The following TRIP4 variants were observed in gnomAD, a reference collection of about 807,000 sequenced individuals.
TRIP4 encodes thyroid hormone receptor interactor 4.
A neutral mutation model predicts 81.8 loss-of-function variants in TRIP4; 54 were observed. The observed-to-expected ratio is 0.66, with a 90% confidence interval of 0.53 to 0.83. The LOEUF (loss-of-function observed/expected upper bound fraction) is 0.83. Among genes scored for constraint, TRIP4 ranks in the 40% least tolerant of loss-of-function variants. TRIP4 has a pLI of 0.00. For synonymous variants in TRIP4, 270 were observed against 242.8 expected, an observed-to-expected ratio of 1.11 and a Z score of -1.04; for missense variants, 662 against 683.6, an observed-to-expected ratio of 0.97 and a Z score of 0.35.
chr15:64,450,852 G>A, intron 12 of TRIP4: 1 of 378,834 alleles, frequency 2.6e-6, no homozygotes, highest in South Asian at 1.9e-5. Flanking sequence ...CTCACTTGAG[G>A]GCTTTCATAA....
intron 9 of TRIP4, among the ~76,000 whole-genome samples, chr15:64,419,132 A>G (rs1194332969): frequency 6.6e-6 from 1 of 152,134 alleles, no homozygotes; most frequent in African/African-American, 2.4e-5. Context: ...TTTGATGCCT[A>G]TTTACTTATT....
intron 9 of TRIP4, among the ~76,000 whole-genome samples, chr15:64,423,501 G>A (rs1456771381): frequency 6.8e-6 from 1 of 147,370 alleles, no homozygotes; most frequent in Admixed American, 6.8e-5. Context: ...AATGGGTGTG[G>A]TTCTAATTGA....
chr15:64,418,636 C>T lies in TRIP4; in HGVS notation c.1266C>T (p.Ile422=), dbSNP rs1028757404. The change falls in exon 9 of 13, where the codon ATC becomes ATT. Residue 422 remains isoleucine, a synonymous_variant. Transcript: ENST00000261884. The part of the protein sequence containing the change: ...EFNSFQHQLR[I]QDQEFQEGFD... ...ACTCATTTCAGCACCAGTTGCGAAT[C>T]CAGGATCAAGAATTTCAGGAAGGCT... 1.9e-5 allele frequency: 31 copies of T among 1,613,982 alleles called. No homozygotes were observed. Among genetic ancestry groups the T allele is most frequent in the Non-Finnish European group, 2.5e-5 (30 of 1,180,026 alleles).
At chr15:64,407,428 G>A (rs1033194524) in intron 6 of TRIP4, among the ~76,000 whole-genome samples, 9 of 152,124 alleles carry the variant, frequency 5.9e-5, no homozygotes, top group African/African-American at 1.9e-4. Context: ...GGCACTTGGG[G>A]AGGCCGAGGC....
intron 6 of TRIP4, among the ~76,000 whole-genome samples, chr15:64,408,163 GT>G (rs10641751): frequency 3.0e-5 from 4 of 132,680 alleles, no homozygotes; most frequent in Non-Finnish European, 4.6e-5. Flanking sequence ...CTTTATTTTT[GT>G]TTTTTTTTTT....
At chr15:64,445,667 CAA>C (rs34704960) in intron 12 of TRIP4, among the ~76,000 whole-genome samples, 33 of 77,956 alleles carry the variant, frequency 4.2e-4, no homozygotes, top group African/African-American at 1.5e-3. Context: ...CACTCAGTCT[CAA>C]AAAAAAAAAA....
intron 11 of TRIP4, among the ~76,000 whole-genome samples, chr15:64,433,795 G>A (rs1892329774): frequency 6.6e-6 from 1 of 152,184 alleles, no homozygotes; most frequent in African/African-American, 2.4e-5. Context: ...AAAGAAGAGT[G>A]TGAGTATAGA....
chr15:64,450,821 G>T lies in TRIP4; in HGVS notation c.1679-4176G>T, dbSNP rs1045336517. The T allele has an allele frequency of 6.7e-6, 3 of 449,434 alleles. No homozygotes were observed. In the East Asian group the frequency reaches 2.1e-4, roughly 31 times the overall value. 27.8% of individuals were successfully genotyped at this position (449,434 alleles called of 1,614,324 possible). A position where few individuals can be genotyped will look rare whatever the true frequency, so the allele number is the denominator to read the frequency against. Reference sequence around the variant, plus strand: ...ACAATTGAGTGTTTTATTCTGATGGGTTGATCTTACCTGAGCTGGTCTCAC... The same window carrying T: ...ACAATTGAGTGTTTTATTCTGATGGTTTGATCTTACCTGAGCTGGTCTCAC... On this transcript the variant is annotated intron_variant, in intron 12 of 12. Transcript: ENST00000261884.
rs1009405115 is a variant in TRIP4, at chr15:64,417,871, T to C, written c.1171-670T>C. Among the ~76,000 whole-genome samples the C allele has an allele frequency of 2.0e-5, 3 of 152,212 alleles. No individual in the cohort carries two copies. In the South Asian group the frequency reaches 6.2e-4, roughly 31 times the overall value. ...TGAACTTTCATTTAGCTCACAGAAT[T>C]CTATTGAAAAATTATCCAGAACCAA... On this transcript the variant is annotated intron_variant, in intron 8 of 12. Coordinates refer to ENST00000261884, the MANE Select transcript of TRIP4 (RefSeq NM_016213.5).
intron 5 of TRIP4, among the ~76,000 whole-genome samples, chr15:64,405,093 A>G (rs548592815): frequency 7.9e-5 from 12 of 152,010 alleles, no homozygotes; most frequent in South Asian, 6.3e-4. Flanking sequence ...CATGGAATCA[A>G]TGTTGGCTTT....
chr15:64,398,454 T>A (rs2140284180), intron 4 of TRIP4, among the ~76,000 whole-genome samples: 1 of 150,836 alleles, frequency 6.6e-6, no homozygotes, highest in Admixed American at 6.6e-5. Context: ...AAAAAAAGTT[T>A]TTAATTAGCT....
intron 11 of TRIP4, among the ~76,000 whole-genome samples, chr15:64,444,088 T>C (rs7162324): frequency 0.74 from 112,908 of 152,098 alleles, 45,444 homozygotes; most frequent in East Asian, 0.96. Flanking sequence ...GCTTAGACTT[T>C]AGAAGGCTTA....
At position 64,424,024 on chromosome 15, in the gene TRIP4, G is replaced by A; in HGVS notation, c.1359-7G>A. ...TATCCTTCCCACTAAATTTCTATTT[G>A]TTTAAGGGTGGAGGGCAGATCCTGG... On this transcript the variant is annotated splice_polypyrimidine_tract_variant and splice_region_variant and intron_variant, in intron 9 of 12. Transcript: ENST00000261884. The A allele has an allele frequency of 1.1e-5, 18 of 1,613,844 alleles. No homozygotes were observed. The highest frequency in any genetic ancestry group is 1.5e-5 in the Non-Finnish European group (18 of 1,179,944).
intron 5 of TRIP4, among the ~76,000 whole-genome samples, chr15:64,402,937 GCAA>G (rs1353269189): frequency 6.6e-6 from 1 of 152,038 alleles, no homozygotes; most frequent in Non-Finnish European, 1.5e-5. Flanking sequence ...TCGGCTCGCT[GCAA>G]GCTCCATCTC....
At chr15:64,437,049 T>A (rs894431597) in intron 11 of TRIP4, among the ~76,000 whole-genome samples, 1 of 151,874 alleles carries the variant, frequency 6.6e-6, no homozygotes, top group South Asian at 2.1e-4. Context: ...ATCAGTGTGC[T>A]AACATAGAGC....
chr15:64,421,449 C>T (rs955972468), intron 9 of TRIP4, among the ~76,000 whole-genome samples: 2 of 151,356 alleles, frequency 1.3e-5, no homozygotes, highest in African/African-American at 4.8e-5. Context: ...CATTCTCCAG[C>T]CTCAGCCTCT....
intron 3 of TRIP4, 125 bp from the exon 4 acceptor site, chr15:64,397,481 C>A: frequency 1.1e-6 from 1 of 899,052 alleles, no homozygotes; most frequent in Non-Finnish European, 1.7e-6. Flanking sequence ...CTTCCTTTCA[C>A]TGCCTTCTTT....
chr15:64,439,637 C>T (rs1596359996), intron 11 of TRIP4, among the ~76,000 whole-genome samples: 1 of 146,366 alleles, frequency 6.8e-6, no homozygotes, highest in African/African-American at 2.5e-5. Flanking sequence ...GATCCTCTTG[C>T]CTCAGCCTCC....
chr15:64,412,106 T>A (rs1309431111), intron 7 of TRIP4, among the ~76,000 whole-genome samples: 2 of 152,236 alleles, frequency 1.3e-5, no homozygotes, highest in Admixed American at 1.3e-4. Flanking sequence ...TATTTCATTC[T>A]AATTTTTATT....
Sources: allele counts gnomAD v4.1 joint callset (sites outside exome capture counted in the v4.1 genomes callset), GRCh38; gene constraint gnomAD v4.1.1; transcripts MANE v1.5; gene names NCBI Gene and HGNC (gene_info 2026-07-23, HGNC 2026-07-21).